Variants in ZBTB40 observed in about 807,000 individuals in gnomAD.
The protein encoded by ZBTB40 is zinc finger and BTB domain containing 40, also known as zinc finger and BTB domain-containing protein 40.
In ZBTB40, 60 loss-of-function variants were observed where a neutral mutation model predicts 117.5. The ratio of observed to expected loss-of-function variants is 0.51; its 90% CI spans 0.41 to 0.63. The LOEUF (loss-of-function observed/expected upper bound fraction) is 0.63. Ranked by LOEUF, ZBTB40 falls within the 30% of genes least tolerant of loss-of-function variation. The probability of loss-of-function intolerance (pLI) is 0.00; values close to 1 mark genes in which losing one functional copy is unlikely to be tolerated. For missense variants in ZBTB40, 1,287 were observed against 1,498.5 expected (o/e 0.86, Z 2.33); for synonymous variants, 525 against 577.1 (o/e 0.91, Z 1.29).
intron 1 of ZBTB40, among the ~76,000 whole-genome samples, chr1:22,461,535 A>T (rs899524112): frequency 2.0e-5 from 3 of 152,158 alleles, no homozygotes; most frequent in Non-Finnish European, 4.4e-5. Flanking sequence ...AGGGAAATAG[A>T]GAGATGAAAA....
intron 1 of ZBTB40, among the ~76,000 whole-genome samples, chr1:22,481,273 T>A (rs1638303461): frequency 6.6e-6 from 1 of 152,240 alleles, no homozygotes; most frequent in Non-Finnish European, 1.5e-5. Context: ...GTCTGTTTTT[T>A]AATTATTATT....
intron 6 of ZBTB40, among the ~76,000 whole-genome samples, chr1:22,506,844 A>G (rs751350486): frequency 6.6e-6 from 1 of 152,212 alleles, no homozygotes; most frequent in Non-Finnish European, 1.5e-5. Flanking sequence ...AATTCCAAAT[A>G]TAAGGAAGAA....
chr1:22,512,269 A>T, intron 11 of ZBTB40, 135 bp downstream of exon 11: 1 of 1,008,326 alleles, frequency 9.9e-7, no homozygotes, highest in Non-Finnish European at 1.5e-6. Context: ...CTACAGAGGC[A>T]GGGTAATATT....
At chr1:22,511,041 C>A in intron 9 of ZBTB40, 138 bp from the exon 10 acceptor site, 2 of 1,094,326 alleles carry the variant, frequency 1.8e-6, no homozygotes, top group Non-Finnish European at 2.7e-6. Flanking sequence ...ACATTTATCA[C>A]AAGGCGATGT....
At position 22,522,469 on chromosome 1, in the gene ZBTB40, T is replaced by G; in HGVS notation, c.3298+6T>G. 1 of 1,614,088 alleles carries G rather than the reference T, an allele frequency of 6.2e-7. No homozygotes were observed. Among genetic ancestry groups the G allele is most frequent in the Non-Finnish European group, 8.5e-7 (1 of 1,179,932 alleles). On this transcript the variant is annotated splice_donor_region_variant and intron_variant, in intron 16 of 17. Transcript: ENST00000375647. ...TGTCAAGTGCCAGCATTCAGGTCAG[T>G]ACCCCTGTCAGCATACTTCTAGGCT... is the stretch of plus-strand genomic sequence containing the variant.
intron 13 of ZBTB40, 136 bp downstream of exon 13, chr1:22,517,600 C>T: frequency 9.9e-7 from 1 of 1,010,748 alleles, no homozygotes. Flanking sequence ...CGCTGCAAAA[C>T]CCAGAGTCCC....
intron 1 of ZBTB40, among the ~76,000 whole-genome samples, chr1:22,431,270 T>TGC (rs1324828951): frequency 2.0e-5 from 3 of 147,088 alleles, no homozygotes; most frequent in Non-Finnish European, 4.5e-5. Context: ...ATATATTGAA[T>TGC]ATATACAATA....
At chr1:22,515,893 C>T (rs1259523040) in intron 12 of ZBTB40, among the ~76,000 whole-genome samples, 5 of 152,164 alleles carry the variant, frequency 3.3e-5, no homozygotes, top group Non-Finnish European at 7.3e-5. Flanking sequence ...TCTGGCCACT[C>T]CAGACAATGA....
intron 1 of ZBTB40, among the ~76,000 whole-genome samples, chr1:22,477,210 A>G (rs1201873044): frequency 1.3e-5 from 2 of 152,152 alleles, no homozygotes; most frequent in Admixed American, 1.3e-4. Flanking sequence ...TTGTTTATTT[A>G]CAGATAAATA....
intron 17 of ZBTB40, among the ~76,000 whole-genome samples, chr1:22,525,191 A>G (rs1272830297): frequency 6.6e-6 from 1 of 152,158 alleles, no homozygotes; most frequent in Non-Finnish European, 1.5e-5. Context: ...TGTCATATCA[A>G]CCAAAGGTGC....
chr1:22,463,576 G>GT (rs1478390512), intron 1 of ZBTB40, among the ~76,000 whole-genome samples: 1 of 152,210 alleles, frequency 6.6e-6, no homozygotes, highest in Admixed American at 6.5e-5. Flanking sequence ...TTGGCCTTAA[G>GT]TATAATGTGG....
chr1:22,480,673 C>A (rs1475620296), intron 1 of ZBTB40, among the ~76,000 whole-genome samples: 2 of 152,098 alleles, frequency 1.3e-5, no homozygotes, highest in African/African-American at 4.8e-5. Context: ...TTCTTTTTCT[C>A]TATGTGAGTC....
rs995459321 is a variant in ZBTB40, at chr1:22,490,496, C to A, written c.548C>A (p.Ser183Ter). The change falls in exon 2 of 18, where the codon TCA becomes TAA. Residue 183 changes from serine to a stop codon, truncating the protein, a stop_gained. Coordinates refer to ENST00000375647, the MANE Select transcript of ZBTB40 (RefSeq NM_014870.4). LOFTEE classifies it high-confidence loss of function. ...AETEEAAHSV[S>*]QEMSVNSPTA... is the part of the protein sequence containing the mutation. ...ACTGAGGAAGCAGCCCATTCAGTTT[C>A]ACAAGAGATGAGTGTGAATTCTCCC... The A allele has an allele frequency of 6.9e-6, 11 of 1,601,226 alleles. No individual in the cohort carries two copies. The African/African-American group carries it at 1.2e-4, about 18-fold the overall frequency.
intron 1 of ZBTB40, among the ~76,000 whole-genome samples, chr1:22,457,371 A>G (rs1641027648): frequency 6.6e-6 from 1 of 152,258 alleles, no homozygotes; most frequent in African/African-American, 2.4e-5. Flanking sequence ...AAACAAAAAC[A>G]AGGAAATATC....
chr1:22,505,509 A>C (rs1210999799), intron 5 of ZBTB40, among the ~76,000 whole-genome samples: 1 of 152,226 alleles, frequency 6.6e-6, no homozygotes, highest in Non-Finnish European at 1.5e-5. Context: ...TAATCCAGAA[A>C]GGCACTTTAA....
chr1:22,523,546 T>G (rs1639596298), intron 16 of ZBTB40, among the ~76,000 whole-genome samples: 2 of 152,232 alleles, frequency 1.3e-5, no homozygotes, highest in African/African-American at 4.8e-5. Context: ...GAACGCATAA[T>G]ATAAGATTCC....
chr1:22,498,195 C>T (rs1225511779), intron 3 of ZBTB40, among the ~76,000 whole-genome samples: 8 of 152,148 alleles, frequency 5.3e-5, no homozygotes. Context: ...ATTGAAGTAC[C>T]TTTACCCCTG....
chr1:22,445,002 C>T (rs1295675919), intron 1 of ZBTB40, among the ~76,000 whole-genome samples: 3 of 152,188 alleles, frequency 2.0e-5, no homozygotes, highest in Non-Finnish European at 4.4e-5. Context: ...CAGACCCATA[C>T]AGATTCACAG....
At chr1:22,522,701 C>T (rs1009765095) in intron 16 of ZBTB40, among the ~76,000 whole-genome samples, 1 of 152,118 alleles carries the variant, frequency 6.6e-6, no homozygotes, top group African/African-American at 2.4e-5. Flanking sequence ...TATTGCTATA[C>T]TCATCAAATC....
Sources: allele counts gnomAD v4.1 joint callset (sites outside exome capture counted in the v4.1 genomes callset), GRCh38; gene constraint gnomAD v4.1.1; transcripts MANE v1.5; gene names NCBI Gene and HGNC (gene_info 2026-07-23, HGNC 2026-07-21).